The following CSMD3 variants were observed in gnomAD, a reference collection of about 807,000 sequenced individuals.
CSMD3 encodes CUB and sushi domain-containing protein 3.
Under a neutral mutation model 435.2 loss-of-function variants are expected in CSMD3, and 177 were observed. That is an observed-to-expected ratio of 0.41 (90% CI 0.36 to 0.46). The LOEUF (loss-of-function observed/expected upper bound fraction) is 0.46. Among genes scored for constraint, CSMD3 ranks in the 20% least tolerant of loss-of-function variants. The pLI is 0.34. For missense variants in CSMD3, 4,265 were observed against 4,504.6 expected (o/e 0.95, Z 1.52); for synonymous variants, 1,656 against 1,520.5 (o/e 1.09, Z -2.07).
chr8:112,799,360 T>C (rs2078906956), intron 13 of CSMD3, among the ~76,000 whole-genome samples: 1 of 151,966 alleles, frequency 6.6e-6, no homozygotes, highest in Non-Finnish European at 1.5e-5. Flanking sequence ...TTCACAGTAA[T>C]TATTTAATTG....
chr8:112,783,079 GT>G (rs2078434863), intron 13 of CSMD3, among the ~76,000 whole-genome samples: 1 of 152,008 alleles, frequency 6.6e-6, no homozygotes, highest in African/African-American at 2.4e-5. Context: ...AACTACTCAT[GT>G]TTTTAGTGGG....
At position 112,904,737 on chromosome 8, in the gene CSMD3, G is replaced by A. The variant is rs191915953; in HGVS notation, c.1633+16890C>T. ...GGTCAGCCTCAACTTACTGGCCAGG[G>A]TTGTTTTAGATGATAGAATTGCCCT... is the stretch of plus-strand genomic sequence containing the variant. On this transcript the variant is annotated intron_variant, in intron 10 of 70. Coordinates refer to ENST00000297405, the MANE Select transcript of CSMD3 (RefSeq NM_198123.2). 8.4e-4 allele frequency among the ~76,000 whole-genome samples: 128 copies of A among 151,494 alleles called. 1 individual carries two copies. The highest frequency in any genetic ancestry group is 3.0e-3 in the African/African-American group (123 of 41,430).
intron 15 of CSMD3, 101 bp from the exon 16 acceptor site, chr8:112,682,737 T>A: frequency 2.3e-6 from 2 of 863,104 alleles, no homozygotes; most frequent in Non-Finnish European, 3.9e-6. Flanking sequence ...AGAGATATTT[T>A]AAAAGGTTGT....
intron 27 of CSMD3, among the ~76,000 whole-genome samples, chr8:112,543,260 T>G (rs1203183165): frequency 6.6e-6 from 1 of 152,066 alleles, no homozygotes; most frequent in Non-Finnish European, 1.5e-5. Context: ...CAAGCAGGAA[T>G]ACATCCAACT....
At chr8:113,394,569 A>T (rs1057456109) in intron 1 of CSMD3, among the ~76,000 whole-genome samples, 13 of 152,048 alleles carry the variant, frequency 8.5e-5, no homozygotes, top group Non-Finnish European at 1.3e-4. Flanking sequence ...TTTCATGAAA[A>T]TTTTTACCTC....
intron 7 of CSMD3, among the ~76,000 whole-genome samples, chr8:112,972,204 C>T (rs1277509112): frequency 6.6e-6 from 1 of 151,382 alleles, no homozygotes; most frequent in Non-Finnish European, 1.5e-5. Flanking sequence ...CATTAATGAT[C>T]AAAAGACATA....
intron 45 of CSMD3, among the ~76,000 whole-genome samples, chr8:112,324,582 G>GGTGTGTGTGTGT (rs145199349): frequency 1.3e-5 from 2 of 149,168 alleles, no homozygotes; most frequent in East Asian, 3.9e-4. Context: ...TGTGTGTGTG[G>GGTGTGTGTGTGT]GTGTGTGTGT....
intron 1 of CSMD3, among the ~76,000 whole-genome samples, chr8:113,393,068 T>C (rs1045341932): frequency 2.2e-4 from 33 of 151,906 alleles, no homozygotes; most frequent in African/African-American, 8.0e-4. Flanking sequence ...TATGGCACAA[T>C]TTACTCTTTT....
chr8:112,434,682 G>C (rs1384004683), intron 32 of CSMD3, among the ~76,000 whole-genome samples: 1 of 152,062 alleles, frequency 6.6e-6, no homozygotes, highest in African/African-American at 2.4e-5. Flanking sequence ...ACCTCGCACA[G>C]GCTCCTTCTA....
intron 13 of CSMD3, among the ~76,000 whole-genome samples, chr8:112,722,427 G>A (rs1001279823): frequency 6.6e-6 from 1 of 152,206 alleles, no homozygotes; most frequent in African/African-American, 2.4e-5. Context: ...CTTAGGGGAA[G>A]GTTGTTACGA....
At chr8:112,263,577 A>G in intron 61 of CSMD3, 62 bp downstream of exon 61, 1 of 1,363,864 alleles carries the variant, frequency 7.3e-7, no homozygotes, top group Non-Finnish European at 1.0e-6. Context: ...TAACAATCTC[A>G]TATTTGGTCT....
intron 1 of CSMD3, among the ~76,000 whole-genome samples, chr8:113,412,670 G>C (rs550243160): frequency 1.3e-5 from 2 of 152,020 alleles, no homozygotes; most frequent in Non-Finnish European, 2.9e-5. Context: ...TAGTATAAAA[G>C]CATTTCATAA....
chr8:113,206,150 T>C (rs532885513), intron 3 of CSMD3, among the ~76,000 whole-genome samples: 1 of 152,188 alleles, frequency 6.6e-6, no homozygotes, highest in Non-Finnish European at 1.5e-5. Context: ...TTGTTGAAAA[T>C]GTTTGCTGAC....
intron 11 of CSMD3, among the ~76,000 whole-genome samples, chr8:112,852,283 G>T (rs2080513625): frequency 6.6e-6 from 1 of 152,086 alleles, no homozygotes; most frequent in Non-Finnish European, 1.5e-5. Context: ...AGAATTAAGG[G>T]TGACTTCAAG....
intron 13 of CSMD3, among the ~76,000 whole-genome samples, chr8:112,759,684 A>G (rs942905642): frequency 6.6e-6 from 1 of 152,152 alleles, no homozygotes; most frequent in African/African-American, 2.4e-5. Context: ...ATGCTATTCA[A>G]TTTGGAAACT....
chr8:113,054,420 T>G (rs1319155954), intron 5 of CSMD3, among the ~76,000 whole-genome samples: 1 of 152,182 alleles, frequency 6.6e-6, no homozygotes, highest in Non-Finnish European at 1.5e-5. Context: ...ATACATTTTT[T>G]TAAGAAAATG....
In CSMD3 at chr8:112,370,857, T is replaced by C. The variant is rs117068143; in HGVS notation, c.6136+9495A>G. ...AGGGGGCAAAAGTATATTGCCTCTT[T>C]GGTTGACTAATGGGAACAATGCCTG... On this transcript the variant is annotated intron_variant, in intron 38 of 70. Transcript: ENST00000297405. Among the ~76,000 whole-genome samples, 521 of 152,328 alleles carry C rather than the reference T, an allele frequency of 3.4e-3. 4 individuals carry two copies. Among genetic ancestry groups the C allele is most frequent in the Non-Finnish European group, 5.2e-3 (354 of 68,044 alleles).
intron 3 of CSMD3, among the ~76,000 whole-genome samples, chr8:113,270,301 CGATCAT>C (rs1563632599): frequency 3.5e-5 from 5 of 144,870 alleles, no homozygotes; most frequent in African/African-American, 1.3e-4. Flanking sequence ...ATTAAAAAGT[CGATCAT>C]TAAAAAGTCG....
intron 5 of CSMD3, among the ~76,000 whole-genome samples, chr8:113,059,385 A>G (rs2131358354): frequency 6.6e-6 from 1 of 152,214 alleles, no homozygotes; most frequent in Non-Finnish European, 1.5e-5. Context: ...TACCTTGATA[A>G]CAGCTGCCCT....
Sources: gnomAD v4.1 joint callset for allele counts (sites outside exome capture counted in the v4.1 genomes callset) on GRCh38, gnomAD v4.1.1 for gene constraint, MANE v1.5 for transcripts, NCBI Gene and HGNC (gene_info 2026-07-23, HGNC 2026-07-21) for gene names.